The following CNGB1 variants were observed in gnomAD, a reference collection of about 807,000 sequenced individuals.
The protein encoded by CNGB1 is cyclic nucleotide-gated channel beta-1.
A neutral mutation model predicts 151.7 loss-of-function variants in CNGB1; 126 were observed. The ratio of observed to expected loss-of-function variants is 0.83; its 90% CI spans 0.72 to 0.96. The LOEUF is 0.96. CNGB1 is among the 40% of genes least tolerant of loss of function. The pLI is 0.00. For missense variants in CNGB1, 1,698 were observed against 1,627.0 expected (o/e 1.04, Z -0.75); for synonymous variants, 623 against 635.1 (o/e 0.98, Z 0.29).
chr16:57,950,276 G>T, intron 13 of CNGB1, 105 bp downstream of exon 13: 1 of 1,383,748 alleles, frequency 7.2e-7, no homozygotes, highest in Non-Finnish European at 1.0e-6. Context: ...GGGGAAGCAG[G>T]CTTGGTTCCT....
chr16:57,912,825 T>C, intron 24 of CNGB1, 105 bp downstream of exon 24: 5 of 1,124,196 alleles, frequency 4.4e-6, no homozygotes, highest in East Asian at 2.4e-5. Flanking sequence ...GTGTGTCGTG[T>C]GTGTGTTGTG....
chr16:57,920,597 A>G (rs2149366609), intron 18 of CNGB1, 53 bp from the exon 19 acceptor site: 2 of 1,599,904 alleles, frequency 1.3e-6, no homozygotes, highest in Non-Finnish European at 8.5e-7. Context: ...GGACCTGTGC[A>G]CCCCCAGGCC....
intron 31 of CNGB1, among the ~76,000 whole-genome samples, chr16:57,889,882 G>A (rs1960038261): frequency 6.6e-6 from 1 of 152,156 alleles, no homozygotes; most frequent in South Asian, 2.1e-4. Flanking sequence ...CTGTGACATG[G>A]AAAGGGCTGA....
chr16:57,913,325 T>G (rs1224745964), intron 23 of CNGB1, among the ~76,000 whole-genome samples: 3 of 152,222 alleles, frequency 2.0e-5, no homozygotes, highest in African/African-American at 7.2e-5. Flanking sequence ...AAGCTGCTGT[T>G]TTTAATGTTT....
chr16:57,960,986 G>C (rs1392213352), intron 7 of CNGB1, 71 bp from the exon 8 acceptor site: 2 of 1,427,566 alleles, frequency 1.4e-6, no homozygotes, highest in Non-Finnish European at 2.0e-6. Flanking sequence ...CCACCTCGGG[G>C]CCAGGCCTCA....
At position 57,917,366 on chromosome 16, in the gene CNGB1, G is replaced by C. The variant is rs1960898323; in HGVS notation, c.2068C>G (p.His690Asp). The part of the protein sequence containing the change: ...FPYQTPDNIH[H>D]WLLMDYLCDL... ...CATAGGTAATCCATCAGCAGCCAGT[G>C]GTGGATGTTGTCCGGGGTCTGGTAG... Residue 690 changes from histidine to aspartate, a missense_variant, in exon 21 of 33, where the codon CAC becomes GAC. Coordinates refer to ENST00000251102, the MANE Select transcript of CNGB1 (RefSeq NM_001297.5). The C allele has an allele frequency of 6.2e-7, 1 of 1,614,136 alleles. No individual in the cohort carries two copies.
At chr16:57,948,040 G>T (rs1056186576) in intron 14 of CNGB1, among the ~76,000 whole-genome samples, 1 of 152,212 alleles carries the variant, frequency 6.6e-6, no homozygotes, top group African/African-American at 2.4e-5. Flanking sequence ...GGACAGGTCA[G>T]GGAGAAAGGA....
intron 16 of CNGB1, 84 bp downstream of exon 16, chr16:57,939,346 G>GT: frequency 1.2e-5 from 19 of 1,584,590 alleles, no homozygotes; most frequent in Non-Finnish European, 1.6e-5. Context: ...AGGAGGAGGG[G>GT]TTGCCCCTGC....
chr16:57,917,352 C>T lies in CNGB1; in HGVS notation c.2082G>A (p.Met694Ile). The change falls in exon 21 of 33, where the codon ATG becomes ATA. Residue 694 changes from methionine (M) to isoleucine (I), a missense_variant. Coordinates refer to ENST00000251102, the MANE Select transcript of CNGB1 (RefSeq NM_001297.5). ...TPDNIHHWLL[M>I]DYLCDLIYFL... ...AGTAGATGAGGTCGCATAGGTAATC[C>T]ATCAGCAGCCAGTGGTGGATGTTGT... 1 of 1,614,080 alleles carries T rather than the reference C, an allele frequency of 6.2e-7. No homozygotes were observed. The highest frequency in any genetic ancestry group is 8.5e-7 in the Non-Finnish European group (1 of 1,180,014).
chr16:57,965,949 T>C (rs1962388773), intron 2 of CNGB1, among the ~76,000 whole-genome samples: 1 of 152,210 alleles, frequency 6.6e-6, no homozygotes, highest in Non-Finnish European at 1.5e-5. Context: ...TACATATACG[T>C]GTATATACAT....
At chr16:57,944,272 A>G (rs1961745363) in intron 14 of CNGB1, among the ~76,000 whole-genome samples, 1 of 152,234 alleles carries the variant, frequency 6.6e-6, no homozygotes, top group Non-Finnish European at 1.5e-5. Flanking sequence ...AAGTGAAATA[A>G]GCTAAACACA....
intron 12 of CNGB1, among the ~76,000 whole-genome samples, chr16:57,950,794 A>G (rs551021752): frequency 5.0e-4 from 76 of 152,250 alleles, no homozygotes; most frequent in African/African-American, 1.3e-3. Context: ...AGCTTTGATT[A>G]TGGTTGATCC....
Position 57,939,582 on chromosome 16 carries a change from T to C in CNGB1, c.1220A>G (p.Glu407Gly). ...PQSTSDQKLW[E>G]EVGEEAKKEA... ...CTTCTTGGCCTCCTCCCCAACTTCC[T>C]CCCACAGCTTCTGCAGAGAATAAAG... The change falls in exon 16 of 33, where the codon GAG (glutamate) becomes GGG (glycine). Residue 407 changes from glutamate (E) to glycine (G), a missense_variant. By Grantham distance (98) the Glu-to-Gly change is moderately conservative. Transcript: ENST00000251102. 1.2e-6 allele frequency: 2 copies of C among 1,614,090 alleles called. No individual in the cohort carries two copies. The highest frequency in any genetic ancestry group is 1.7e-6 in the Non-Finnish European group (2 of 1,180,006).
intron 14 of CNGB1, among the ~76,000 whole-genome samples, chr16:57,948,024 C>G (rs1185659102): frequency 6.6e-6 from 1 of 152,166 alleles, no homozygotes; most frequent in African/African-American, 2.4e-5. Context: ...CAGGCCATGG[C>G]CAGAGGGACA....
chr16:57,911,790 C>T lies in CNGB1; in HGVS notation c.2455G>A (p.Gly819Ser), dbSNP rs1311445618. Residue 819 changes from glycine to serine, a missense_variant, in exon 25 of 33, where the codon GGC becomes AGC. Gly to Ser is a moderately conservative substitution (Grantham distance 56, BLOSUM62 0). Coordinates refer to ENST00000251102, the MANE Select transcript of CNGB1 (RefSeq NM_001297.5). ...YYWASAYQGL[G>S]STHWVYDGVG... ...CCATCGTAAACCCAGTGAGTGGAGC[C>T]GAGGCCCTGATAGGCCGATGCCCAG... The T allele has an allele frequency of 8.7e-6, 14 of 1,614,080 alleles. No individual in the cohort carries two copies. Among genetic ancestry groups the T allele is most frequent in the East Asian group, 6.7e-5 (3 of 44,878 alleles).
chr16:57,896,116 G>T (rs535749724), intron 31 of CNGB1, among the ~76,000 whole-genome samples: 2 of 152,090 alleles, frequency 1.3e-5, no homozygotes, highest in African/African-American at 4.8e-5. Flanking sequence ...AACCATCAAA[G>T]GATGCTAAAA....
intron 17 of CNGB1, among the ~76,000 whole-genome samples, chr16:57,924,943 G>A (rs1174188236): frequency 6.6e-6 from 1 of 152,088 alleles, no homozygotes; most frequent in Non-Finnish European, 1.5e-5. Context: ...CTGCCATGCT[G>A]CCTGTACAGT....
chr16:57,945,205 C>T (rs1360771178), intron 14 of CNGB1, among the ~76,000 whole-genome samples: 1 of 152,114 alleles, frequency 6.6e-6, no homozygotes, highest in Non-Finnish European at 1.5e-5. Flanking sequence ...TGTTTCACTG[C>T]CTGCCTCTGA....
intron 16 of CNGB1, chr16:57,936,989 T>C (rs1467660390): frequency 6.6e-6 from 1 of 152,296 alleles, no homozygotes; most frequent in Non-Finnish European, 1.5e-5. Context: ...AAGCAACTAG[T>C]GGTCCACACT....
Sources: allele counts gnomAD v4.1 joint callset (sites outside exome capture counted in the v4.1 genomes callset), GRCh38; gene constraint gnomAD v4.1.1; transcripts MANE v1.5; gene names NCBI Gene and HGNC (gene_info 2026-07-23, HGNC 2026-07-21).